Variants in ZC3H12B observed in about 807,000 individuals in gnomAD.
ZC3H12B encodes zinc finger CCCH-type containing 12B.
Under a neutral mutation model 43.9 loss-of-function variants are expected in ZC3H12B, and 7 were observed. The ratio of observed to expected loss-of-function variants is 0.16; its 90% CI spans 0.09 to 0.30. The LOEUF (loss-of-function observed/expected upper bound fraction) is 0.30. Among genes scored for constraint, ZC3H12B ranks in the 10% least tolerant of loss-of-function variants. The probability of loss-of-function intolerance (pLI) is 1.00; values close to 1 mark genes in which losing one functional copy is unlikely to be tolerated. For synonymous variants in ZC3H12B, 222 were observed against 241.7 expected (o/e 0.92, Z 0.76); for missense variants, 475 against 670.2 (o/e 0.71, Z 3.22).
the ZC3H12B span, among the ~76,000 whole-genome samples, chrX:65,241,316 G>A: frequency 9.0e-6 from 1 of 111,027 alleles, no homozygotes; most frequent in African/African-American, 3.3e-5. Context: ...CCTACTTAAA[G>A]AAGCAATCTA....
chrX:65,115,141 G>A, the ZC3H12B span, among the ~76,000 whole-genome samples: 41 of 107,048 alleles, frequency 3.8e-4, no homozygotes, highest in African/African-American at 1.4e-3. Context: ...TGAGATTTTG[G>A]TGCACCCATC....
the ZC3H12B span, among the ~76,000 whole-genome samples, chrX:65,337,827 G>A: frequency 8.9e-6 from 1 of 112,084 alleles, no homozygotes; most frequent in African/African-American, 3.2e-5. Flanking sequence ...TAATGTTCTA[G>A]CTTTCTGCCA....
chrX:65,383,731 T>C (rs1455419407), intron 2 of ZC3H12B, among the ~76,000 whole-genome samples: 1 of 111,020 alleles, frequency 9.0e-6, no homozygotes, highest in Non-Finnish European at 1.9e-5. Flanking sequence ...ATCCAGAATC[T>C]ACAATGAACT....
chrX:65,207,251 TAC>T, the ZC3H12B span, among the ~76,000 whole-genome samples: 407 of 100,706 alleles, frequency 4.0e-3, 2 homozygotes, highest in Non-Finnish European at 5.5e-3. Flanking sequence ...TGTGTATATA[TAC>T]ACACACACAC....
At chrX:65,060,137 T>C in the ZC3H12B span, among the ~76,000 whole-genome samples, 1 of 112,583 alleles carries the variant, frequency 8.9e-6, no homozygotes, top group East Asian at 2.8e-4. Flanking sequence ...TTTCAAAATA[T>C]AAGATCATAT....
the ZC3H12B span, among the ~76,000 whole-genome samples, chrX:65,052,828 C>G: frequency 2.7e-5 from 3 of 111,665 alleles, no homozygotes; most frequent in Non-Finnish European, 5.6e-5. Context: ...TTCACTATCT[C>G]AATTTTTAGT....
At chrX:65,195,107 A>G in the ZC3H12B span, among the ~76,000 whole-genome samples, 4 of 106,255 alleles carry the variant, frequency 3.8e-5, no homozygotes, top group African/African-American at 1.4e-4. Context: ...TTTTTTTTTT[A>G]ATGCATTCAG....
chrX:65,058,496 G>GC, the ZC3H12B span, among the ~76,000 whole-genome samples: 2 of 112,280 alleles, frequency 1.8e-5, no homozygotes, highest in Admixed American at 1.9e-4. Context: ...ACTCGGGGGT[G>GC]CCTCCCAGTT....
At chrX:65,287,122 G>A in the ZC3H12B span, among the ~76,000 whole-genome samples, 1 of 110,663 alleles carries the variant, frequency 9.0e-6, no homozygotes, top group Non-Finnish European at 1.9e-5. Flanking sequence ...GAATTAGACA[G>A]ATTATCTAGA....
the ZC3H12B span, among the ~76,000 whole-genome samples, chrX:65,141,262 G>T: frequency 1.0e-4 from 11 of 109,972 alleles, no homozygotes; most frequent in Non-Finnish European, 1.9e-4. Flanking sequence ...ATTTTCATTT[G>T]TCTCAAGATT....
chrX:65,477,196 G>T (rs1332214182), intron 3 of ZC3H12B, among the ~76,000 whole-genome samples: 1 of 109,137 alleles, frequency 9.2e-6, no homozygotes, highest in Non-Finnish European at 1.9e-5. Flanking sequence ...TGCCTAGCAA[G>T]GGCATGGAAG....
the ZC3H12B span, among the ~76,000 whole-genome samples, chrX:65,171,871 G>A: frequency 0.082 from 9,135 of 110,766 alleles, 1,025 homozygotes; most frequent in African/African-American, 0.29. Context: ...CTGGTGTGCC[G>A]TTTGCTAAGA....
chrX:65,123,357 T>C, the ZC3H12B span, among the ~76,000 whole-genome samples: 1 of 111,752 alleles, frequency 8.9e-6, no homozygotes, highest in African/African-American at 3.2e-5. Context: ...TTTACATCAA[T>C]GTTCATCAAG....
the ZC3H12B span, among the ~76,000 whole-genome samples, chrX:65,183,067 A>C: frequency 8.9e-6 from 1 of 112,112 alleles, no homozygotes; most frequent in African/African-American, 3.2e-5. Context: ...AGATTCCATT[A>C]CTGTGTTTGT....
At chrX:65,318,332 TTTC>T in the ZC3H12B span, among the ~76,000 whole-genome samples, 7 of 110,250 alleles carry the variant, frequency 6.3e-5, no homozygotes, top group Admixed American at 9.7e-5. Context: ...TTCTTCCTTT[TTTC>T]TTCTTCTTTC....
chrX:65,190,482 G>T, the ZC3H12B span, among the ~76,000 whole-genome samples: 1 of 110,180 alleles, frequency 9.1e-6, no homozygotes, highest in Middle Eastern at 4.2e-3. Context: ...CTTGAGGAGT[G>T]TTTTGTAGTT....
chrX:65,094,244 T>G, the ZC3H12B span, among the ~76,000 whole-genome samples: 2 of 102,866 alleles, frequency 1.9e-5, no homozygotes, highest in Non-Finnish European at 3.9e-5. Flanking sequence ...TGTGGAACCA[T>G]GAGCCAATTA....
the ZC3H12B span, among the ~76,000 whole-genome samples, chrX:65,108,547 G>T: frequency 9.2e-6 from 1 of 108,889 alleles, no homozygotes; most frequent in African/African-American, 3.3e-5. Flanking sequence ...CTTCAGGGGC[G>T]ATAACATGCA....
At chrX:65,342,413 A>G in the ZC3H12B span, among the ~76,000 whole-genome samples, 8 of 112,086 alleles carry the variant, frequency 7.1e-5, no homozygotes, top group African/African-American at 2.6e-4. Flanking sequence ...ATTGGACATA[A>G]AACACTCTTT....
Sources: gnomAD v4.1 joint callset for allele counts (sites outside exome capture counted in the v4.1 genomes callset) on GRCh38, gnomAD v4.1.1 for gene constraint, MANE v1.5 for transcripts, NCBI Gene and HGNC (gene_info 2026-07-23, HGNC 2026-07-21) for gene names.